RBM19: variants seen among roughly 807,000 people sequenced by gnomAD.
RBM19 encodes the protein RNA binding motif protein 19.
A neutral mutation model predicts 116.8 loss-of-function variants in RBM19; 94 were observed. That is an observed-to-expected ratio of 0.80 (90% CI 0.68 to 0.95). The LOEUF is 0.95. RBM19 is among the 40% of genes least tolerant of loss of function. RBM19 has a pLI of 0.00. For missense variants in RBM19, 1,161 were observed against 1,220.7 expected (o/e 0.95, Z 0.73); for synonymous variants, 475 against 494.1 (o/e 0.96, Z 0.51).
chr12:113,959,151 G>C (rs1318219893), intron 5 of RBM19, 61 bp downstream of exon 5: 18 of 1,549,144 alleles, frequency 1.2e-5, no homozygotes, highest in Non-Finnish European at 1.6e-5. Context: ...CCCCAGTGCC[G>C]GTTAGCCCAA....
At chr12:113,897,689 G>C (rs758303469) in intron 21 of RBM19, among the ~76,000 whole-genome samples, 5 of 152,224 alleles carry the variant, frequency 3.3e-5, no homozygotes, top group Non-Finnish European at 7.3e-5. Context: ...TCTCAGGGCG[G>C]CCATGTTTGG....
intron 23 of RBM19, among the ~76,000 whole-genome samples, chr12:113,835,233 A>G (rs11830605): frequency 0.026 from 3,999 of 152,194 alleles, 93 homozygotes; most frequent in African/African-American, 0.062. Context: ...ATGCTCAATT[A>G]AATTCTAATC....
At chr12:113,879,276 C>A (rs1196537479) in intron 21 of RBM19, among the ~76,000 whole-genome samples, 1 of 152,160 alleles carries the variant, frequency 6.6e-6, no homozygotes, top group South Asian at 2.1e-4. Context: ...CAATGACACA[C>A]CTATATATGG....
intron 23 of RBM19, among the ~76,000 whole-genome samples, chr12:113,839,128 G>C (rs1876231176): frequency 6.6e-6 from 1 of 152,262 alleles, no homozygotes; most frequent in African/African-American, 2.4e-5. Context: ...CGAGGCCAGA[G>C]CCAGGGGAGG....
intron 13 of RBM19, among the ~76,000 whole-genome samples, chr12:113,944,626 C>T (rs943119335): frequency 4.6e-5 from 7 of 151,892 alleles, no homozygotes; most frequent in African/African-American, 9.7e-5. Context: ...AGTGAGACCC[C>T]ATCTCTGCAA....
At chr12:113,938,684 G>A (rs11066834) in intron 15 of RBM19, among the ~76,000 whole-genome samples, 24,692 of 152,112 alleles carry the variant, frequency 0.16, 2,637 homozygotes, top group African/African-American at 0.3. Context: ...GCATTATCCC[G>A]GCAGAGCCTA....
intron 6 of RBM19, 110 bp from the exon 7 acceptor site, chr12:113,955,321 G>T: frequency 1.9e-6 from 2 of 1,040,136 alleles, no homozygotes; most frequent in Non-Finnish European, 3.0e-6. Context: ...GCCGCCAGGG[G>T]GAGCTGGGGA....
Position 113,940,047 on chromosome 12 carries a change from C to G in RBM19, c.1851G>C (p.Leu617=), listed in dbSNP as rs1300601569. The part of the protein sequence containing the change: ...FGHFGSLGRV[L]LPEGGITAIV... The stretch of plus-strand genomic sequence containing the variant: ...TGGCAGTGATTCCGCCCTCTGGCAG[C>G]AGCACGCGGCCCAGGCTGCCAAAAT... Residue 617 remains leucine, a synonymous_variant, in exon 15 of 24, where the codon CTG becomes CTC. Transcript: ENST00000261741. 1 of 1,613,972 alleles carries G rather than the reference C, an allele frequency of 6.2e-7. No individual in the cohort carries two copies. The highest frequency in any genetic ancestry group is 1.3e-5 in the African/African-American group (1 of 74,950).
chr12:113,900,641 G>T (rs1881629306), intron 21 of RBM19, among the ~76,000 whole-genome samples: 1 of 152,200 alleles, frequency 6.6e-6, no homozygotes, highest in Non-Finnish European at 1.5e-5. Context: ...TTTCCACGTG[G>T]AAAATCACAC....
intron 16 of RBM19, among the ~76,000 whole-genome samples, chr12:113,930,351 C>A (rs1869497259): frequency 6.6e-6 from 1 of 152,208 alleles, no homozygotes; most frequent in African/African-American, 2.4e-5. Flanking sequence ...CACCCTGCCT[C>A]CCTGGTCTAT....
intron 21 of RBM19, among the ~76,000 whole-genome samples, chr12:113,863,061 G>C (rs533078206): frequency 1.3e-5 from 2 of 152,198 alleles, no homozygotes; most frequent in South Asian, 2.1e-4. Flanking sequence ...GGTGTGTGGT[G>C]GGGGGAGAGA....
At chr12:113,897,114 C>T (rs370054992) in intron 21 of RBM19, among the ~76,000 whole-genome samples, 44 of 152,294 alleles carry the variant, frequency 2.9e-4, no homozygotes, top group Admixed American at 2.0e-3. Flanking sequence ...CCAATAGACC[C>T]GGCAAGTATT....
chr12:113,948,674 C>A (rs904149805), intron 10 of RBM19, among the ~76,000 whole-genome samples, 159 bp downstream of exon 10: 1 of 152,230 alleles, frequency 6.6e-6, no homozygotes, highest in African/African-American at 2.4e-5. Context: ...TGAATCCTCA[C>A]AGCAGCTCAG....
intron 23 of RBM19, among the ~76,000 whole-genome samples, chr12:113,835,558 C>T (rs1382998808): frequency 6.6e-6 from 1 of 152,160 alleles, no homozygotes; most frequent in Admixed American, 6.5e-5. Flanking sequence ...TGGGGGCTGC[C>T]GGGACCAGGG....
chr12:113,854,676 T>TGAG (rs1473435870), intron 22 of RBM19, among the ~76,000 whole-genome samples: 1 of 152,222 alleles, frequency 6.6e-6, no homozygotes, highest in Non-Finnish European at 1.5e-5. Flanking sequence ...AGCAGGCCTC[T>TGAG]GGTCACCAGG....
At chr12:113,957,292 G>A (rs1872026390) in intron 6 of RBM19, among the ~76,000 whole-genome samples, 1 of 152,192 alleles carries the variant, frequency 6.6e-6, no homozygotes, top group South Asian at 2.1e-4. Context: ...AATAAATGCA[G>A]AGGCTGGGTG....
intron 23 of RBM19, among the ~76,000 whole-genome samples, chr12:113,842,365 C>T (rs767819087): frequency 3.3e-5 from 5 of 152,232 alleles, no homozygotes; most frequent in East Asian, 1.9e-4. Context: ...CATTTGCCGA[C>T]GGGCGCATTT....
chr12:113,920,299 T>A (rs1353704847), intron 19 of RBM19, among the ~76,000 whole-genome samples: 1 of 152,184 alleles, frequency 6.6e-6, no homozygotes, highest in Admixed American at 6.5e-5. Flanking sequence ...CAGAGGTCCA[T>A]GGCCTGTCTA....
rs1881801439 is a variant in RBM19, at chr12:113,903,009, T to C, written c.2558+11960A>G. Among the ~76,000 whole-genome samples the C allele has an allele frequency of 6.6e-6, 1 of 152,118 alleles. No homozygotes were observed. Among genetic ancestry groups the C allele is most frequent in the African/African-American group, 2.4e-5 (1 of 41,408 alleles). On this transcript the variant is annotated intron_variant, in intron 21 of 23. Coordinates refer to ENST00000261741, the MANE Select transcript of RBM19 (RefSeq NM_016196.4). The surrounding 1 kb of genome is among the most constrained non-coding windows in gnomAD (Gnocchi z 5.1). ...CCTTGCCACAGCCAATTTTAGAAGATTTTCATTACCTCACACAGAAGTCCT... is the reference window on the plus strand; with the variant it reads ...CCTTGCCACAGCCAATTTTAGAAGACTTTCATTACCTCACACAGAAGTCCT...
Sources: allele counts gnomAD v4.1 joint callset (sites outside exome capture counted in the v4.1 genomes callset), GRCh38; gene constraint gnomAD v4.1.1; non-coding constraint Gnocchi (gnomAD v3.1); transcripts MANE v1.5; gene names NCBI Gene and HGNC (gene_info 2026-07-23, HGNC 2026-07-21).